ITGB6: variants seen among roughly 807,000 people sequenced by gnomAD.
ITGB6 encodes the protein integrin subunit beta 6.
A neutral mutation model predicts 84.5 loss-of-function variants in ITGB6; 80 were observed. The ratio of observed to expected loss-of-function variants is 0.95; its 90% CI spans 0.79 to 1.14. The LOEUF (loss-of-function observed/expected upper bound fraction) is 1.14, where lower values mean the gene tolerates loss of function less well. Among genes scored for constraint, ITGB6 ranks in the 50% most tolerant of loss-of-function variants. The pLI is 0.00. For missense variants in ITGB6, 1,006 were observed against 968.0 expected (o/e 1.04, Z -0.52); for synonymous variants, 383 against 354.9 (o/e 1.08, Z -0.89).
Position 160,101,691 on chromosome 2 carries a change from C to T in ITGB6, c.*45G>A, listed in dbSNP as rs765792300. On this transcript the variant is annotated 3_prime_UTR_variant, in exon 15 of 15. Transcript: ENST00000283249. ...AGAAAAAAATTAAATAGTGCATTAACATTTCATATCAGTGAAACAGACTTT... is the reference window on the plus strand; with the variant it reads ...AGAAAAAAATTAAATAGTGCATTAATATTTCATATCAGTGAAACAGACTTT... The T allele has an allele frequency of 5.6e-6, 6 of 1,070,012 alleles. No homozygotes were observed. The South Asian group carries it at 7.7e-5, about 14-fold the overall frequency. The allele number at this position is 1,070,012 out of a possible 1,614,324, so 66.3% of individuals were successfully genotyped here.
chr2:160,113,485 G>A (rs987093909), intron 12 of ITGB6, among the ~76,000 whole-genome samples: 4 of 152,156 alleles, frequency 2.6e-5, no homozygotes, highest in East Asian at 3.9e-4. Context: ...ATAAAATTTC[G>A]GATGATAGAT....
chr2:160,166,944 G>A (rs1257055440), intron 7 of ITGB6, among the ~76,000 whole-genome samples: 1 of 152,200 alleles, frequency 6.6e-6, no homozygotes, highest in African/African-American at 2.4e-5. Context: ...CATTCCATGA[G>A]TGGGCAACAT....
At chr2:160,195,241 T>A in intron 4 of ITGB6, 128 bp downstream of exon 4, 4 of 1,183,688 alleles carry the variant, frequency 3.4e-6, no homozygotes, top group Non-Finnish European at 4.8e-6. Flanking sequence ...CTGAGAGAAC[T>A]GCTGAGATCC....
In ITGB6 at chr2:160,137,701, A is replaced by T. The variant is rs1282738944; in HGVS notation, c.1393T>A (p.Ser465Thr). Reference protein sequence around the residue: ...DCQKEVEVNSSKCHHGNGSFQ... With the variant: ...DCQKEVEVNSTKCHHGNGSFQ... ...GAGCCGTTCCCGTGGTGACATTTGG[A>T]GCTGTTCACTTCCACTTCTTTCTGA... The change falls in exon 10 of 15, where the codon TCC becomes ACC. Residue 465 changes from serine (S) to threonine (T), a missense_variant. Coordinates refer to ENST00000283249, the MANE Select transcript of ITGB6 (RefSeq NM_000888.5). 6.2e-7 allele frequency: 1 copy of T among 1,614,132 alleles called. No homozygotes were observed. Among genetic ancestry groups the T allele is most frequent in the South Asian group, 1.1e-5 (1 of 91,086 alleles).
intron 4 of ITGB6, among the ~76,000 whole-genome samples, chr2:160,188,770 A>T (rs555098086): frequency 2.0e-5 from 3 of 151,702 alleles, no homozygotes; most frequent in South Asian, 2.1e-4. Flanking sequence ...TGCCTGGCTA[A>T]TTTTTTTGTA....
rs1031155869 is a variant in ITGB6, at chr2:160,099,935, A to T, written c.*1801T>A. The T allele has an allele frequency of 2.6e-5, 4 of 152,332 alleles. No homozygotes were observed. In the South Asian group the frequency reaches 8.3e-4, roughly 32 times the overall value. The allele number at this position is 152,332 out of a possible 1,614,324, so 9.4% of individuals were successfully genotyped here. On this transcript the variant is annotated 3_prime_UTR_variant, in exon 15 of 15. Transcript: ENST00000283249. Reference sequence around the variant, plus strand: ...AATAATAATTAAAAAAACAACAGTAAGTCCACGTAGAGGAGAGGATTGCTG... The same window carrying T: ...AATAATAATTAAAAAAACAACAGTATGTCCACGTAGAGGAGAGGATTGCTG...
intron 4 of ITGB6, among the ~76,000 whole-genome samples, chr2:160,178,547 A>G (rs1685529848): frequency 6.6e-6 from 1 of 152,210 alleles, no homozygotes. Flanking sequence ...TTAACTCACT[A>G]AAGAAATTCA....
intron 10 of ITGB6, among the ~76,000 whole-genome samples, chr2:160,127,657 G>A (rs1213306666): frequency 1.3e-5 from 2 of 152,120 alleles, no homozygotes; most frequent in African/African-American, 2.4e-5. Context: ...AAATCTCTTC[G>A]AATATTTTAC....
intron 12 of ITGB6, among the ~76,000 whole-genome samples, chr2:160,121,566 C>A (rs1284123328): frequency 6.6e-6 from 1 of 152,112 alleles, no homozygotes; most frequent in East Asian, 1.9e-4. Context: ...GGGCAGATGC[C>A]TTGAGCTCAG....
At chr2:160,122,823 T>C (rs1411425414) in intron 12 of ITGB6, among the ~76,000 whole-genome samples, 1 of 152,230 alleles carries the variant, frequency 6.6e-6, no homozygotes, top group East Asian at 1.9e-4. Flanking sequence ...ACTCAATCCA[T>C]GCTGGAAATG....
chr2:160,180,547 G>A (rs1447209987), intron 4 of ITGB6, among the ~76,000 whole-genome samples: 1 of 152,192 alleles, frequency 6.6e-6, no homozygotes, highest in Non-Finnish European at 1.5e-5. Flanking sequence ...GGTTTTTGAA[G>A]GGTGGTGCAC....
In ITGB6 at chr2:160,200,175, A is replaced by G; in HGVS notation, c.-112T>C. ...TCTTTCTTGAAGTATAACATTTTAAATACTACTTACACTGCTTTGAAAAGA... is the reference window on the plus strand; with the variant it reads ...TCTTTCTTGAAGTATAACATTTTAAGTACTACTTACACTGCTTTGAAAAGA... On this transcript the variant is annotated 5_prime_UTR_variant, in exon 1 of 15. Transcript: ENST00000283249. 1.2e-6 allele frequency: 1 copy of G among 816,286 alleles called. No individual in the cohort carries two copies. The highest frequency in any genetic ancestry group is 2.0e-6 in the Non-Finnish European group (1 of 493,672). The allele number at this position is 816,286 out of a possible 1,614,324, so 50.6% of individuals were successfully genotyped here.
At chr2:160,135,210 C>T (rs1374771936) in intron 10 of ITGB6, among the ~76,000 whole-genome samples, 2 of 151,370 alleles carry the variant, frequency 1.3e-5, no homozygotes, top group Non-Finnish European at 2.9e-5. Flanking sequence ...AGCAAAGTCT[C>T]AGGATACAAA....
chr2:160,101,523 C>T lies in ITGB6; in HGVS notation c.*213G>A. 2.0e-6 allele frequency: 1 copy of T among 511,662 alleles called. No homozygotes were observed. The highest frequency in any genetic ancestry group is 2.5e-5 in the South Asian group (1 of 40,234). The allele number at this position is 511,662 out of a possible 1,614,324, so 31.7% of individuals were successfully genotyped here. ...CAGAGTTAGTATTCCTCAAATGATCCCCAAAGTCATCTCTTTGCTAAGGAT... is the reference window on the plus strand; with the variant it reads ...CAGAGTTAGTATTCCTCAAATGATCTCCAAAGTCATCTCTTTGCTAAGGAT... On this transcript the variant is annotated 3_prime_UTR_variant, in exon 15 of 15. Coordinates refer to ENST00000283249, the MANE Select transcript of ITGB6 (RefSeq NM_000888.5).
intron 10 of ITGB6, among the ~76,000 whole-genome samples, chr2:160,133,372 A>T (rs192966292): frequency 6.6e-6 from 1 of 152,182 alleles, no homozygotes; most frequent in Non-Finnish European, 1.5e-5. Flanking sequence ...TCCTAAATTT[A>T]TACGCACCCA....
chr2:160,184,434 A>T (rs554297089), intron 4 of ITGB6, among the ~76,000 whole-genome samples: 1 of 152,366 alleles, frequency 6.6e-6, no homozygotes, highest in Admixed American at 6.5e-5. Flanking sequence ...ACCAGGAAGA[A>T]GTCGAATACC....
chr2:160,142,381 T>C (rs1417107336), intron 7 of ITGB6, among the ~76,000 whole-genome samples: 1 of 152,166 alleles, frequency 6.6e-6, no homozygotes, highest in Non-Finnish European at 1.5e-5. Context: ...ATATAACATC[T>C]TCCATTCGTG....
At chr2:160,197,727 G>A (rs961970300) in intron 2 of ITGB6, among the ~76,000 whole-genome samples, 3 of 152,248 alleles carry the variant, frequency 2.0e-5, no homozygotes, top group East Asian at 1.9e-4. Flanking sequence ...TTCCCATGAT[G>A]TAACCAAGGG....
chr2:160,162,516 A>G (rs1242563841), intron 7 of ITGB6, among the ~76,000 whole-genome samples: 1 of 152,186 alleles, frequency 6.6e-6, no homozygotes, highest in South Asian at 2.1e-4. Context: ...CACAGCATGC[A>G]ACTAGATCTG....
Sources: allele counts gnomAD v4.1 joint callset (sites outside exome capture counted in the v4.1 genomes callset), GRCh38; gene constraint gnomAD v4.1.1; transcripts MANE v1.5; gene names NCBI Gene and HGNC (gene_info 2026-07-23, HGNC 2026-07-21).